KDM4C: variants seen among roughly 807,000 people sequenced by gnomAD.
The protein encoded by KDM4C is lysine-specific demethylase 4C.
Under a neutral mutation model 129.3 loss-of-function variants are expected in KDM4C, and 81 were observed. That is an observed-to-expected ratio of 0.63 (90% CI 0.52 to 0.75). The LOEUF (loss-of-function observed/expected upper bound fraction) is 0.75, where lower values mean the gene tolerates loss of function less well. Ranked by LOEUF, KDM4C falls within the 30% of genes least tolerant of loss-of-function variation. KDM4C has a pLI of 0.00. For synonymous variants in KDM4C, 573 were observed against 456.1 expected, an observed-to-expected ratio of 1.26 and a Z score of -3.26; for missense variants, 1,457 against 1,304.0, an observed-to-expected ratio of 1.12 and a Z score of -1.81.
chr9:6,909,189 G>T (rs1818843905), intron 8 of KDM4C, among the ~76,000 whole-genome samples: 1 of 152,234 alleles, frequency 6.6e-6, no homozygotes, highest in African/African-American at 2.4e-5. Flanking sequence ...AGCTACATAT[G>T]GATAGGCAGA....
chr9:7,098,790 A>G (rs1036288309), intron 17 of KDM4C, among the ~76,000 whole-genome samples: 9 of 152,196 alleles, frequency 5.9e-5, no homozygotes, highest in Non-Finnish European at 1.0e-4. Flanking sequence ...TGGCTAGACT[A>G]TCCTCTTTAC....
At chr9:7,137,191 G>C (rs545135157) in intron 19 of KDM4C, among the ~76,000 whole-genome samples, 1 of 152,166 alleles carries the variant, frequency 6.6e-6, no homozygotes, top group Non-Finnish European at 1.5e-5. Context: ...GCACCTGCTG[G>C]TCCCCTGTGC....
rs10976069 is a variant in KDM4C at position 7,147,358 on chromosome 9, C to T, written c.2782-17880C>T. On this transcript the variant is annotated intron_variant, in intron 19 of 21. Coordinates refer to ENST00000381309, the MANE Select transcript of KDM4C (RefSeq NM_015061.6). ...GAAAGCCGGACATATAAACACAGGG[C>T]AGCCTTCTCTCCCCTGCGTGCCTAT... Among the ~76,000 whole-genome samples the T allele has an allele frequency of 5.3e-3, 801 of 152,268 alleles. 8 individuals carry two copies. Among genetic ancestry groups the T allele is most frequent in the East Asian group, 0.022 (116 of 5,180 alleles).
At chr9:6,940,093 TTTCTTTCTTTC>T (rs1825678069) in intron 8 of KDM4C, among the ~76,000 whole-genome samples, 1 of 151,240 alleles carries the variant, frequency 6.6e-6, no homozygotes, top group South Asian at 2.1e-4. Context: ...CTTTCCTTCT[TTTCTTTCTTTC>T]TTCTTTCAAC....
intron 8 of KDM4C, among the ~76,000 whole-genome samples, chr9:6,969,110 A>G (rs1026816162): frequency 3.3e-5 from 5 of 152,014 alleles, no homozygotes; most frequent in African/African-American, 1.2e-4. Context: ...TAATTTTTGT[A>G]TTTGTAGCAG....
intron 8 of KDM4C, among the ~76,000 whole-genome samples, chr9:6,962,658 A>G (rs2131611723): frequency 6.6e-6 from 1 of 152,172 alleles, no homozygotes; most frequent in East Asian, 1.9e-4. Flanking sequence ...TTAGTAGAGA[A>G]AAAAAAAGAC....
At chr9:7,003,531 A>G (rs184700713) in intron 12 of KDM4C, among the ~76,000 whole-genome samples, 40 of 152,178 alleles carry the variant, frequency 2.6e-4, no homozygotes, top group Admixed American at 2.6e-3. Context: ...ATCCTTCTGA[A>G]ATACTTTTGT....
intron 4 of KDM4C, among the ~76,000 whole-genome samples, chr9:6,831,369 T>TTTTA (rs113555302): frequency 0.41 from 61,225 of 150,872 alleles, 13,543 homozygotes; most frequent in East Asian, 0.6. Flanking sequence ...TCTTTTTTAT[T>TTTTA]TTTATTTATT....
intron 8 of KDM4C, among the ~76,000 whole-genome samples, chr9:6,906,764 C>G (rs1818397886): frequency 6.6e-6 from 1 of 152,050 alleles, no homozygotes; most frequent in Non-Finnish European, 1.5e-5. Context: ...AAAAATTTCT[C>G]TTTGGGTTAC....
chr9:6,808,690 TAAAAA>T (rs908471656), intron 3 of KDM4C, among the ~76,000 whole-genome samples: 2 of 63,846 alleles, frequency 3.1e-5, no homozygotes, highest in South Asian at 4.7e-4. Context: ...GAATTATCAA[TAAAAA>T]AAAAAAAAAA....
intron 4 of KDM4C, among the ~76,000 whole-genome samples, chr9:6,839,264 C>G (rs966146225): frequency 6.6e-6 from 1 of 152,066 alleles, no homozygotes; most frequent in Non-Finnish European, 1.5e-5. Flanking sequence ...GGGTCTCACT[C>G]GGTTACCCAG....
At position 7,080,953 on chromosome 9, in the gene KDM4C, C is replaced by T. The variant is rs571500280; in HGVS notation, c.2425-22732C>T. Among the ~76,000 whole-genome samples the T allele has an allele frequency of 2.6e-5, 4 of 152,290 alleles. No homozygotes were observed. In the South Asian group the frequency reaches 8.3e-4, roughly 32 times the overall value. ...GGTTGACCTGATTAATAAACAGGCC[C>T]TTAGTGATTCACTTGTGTAAATGAG... On this transcript the variant is annotated intron_variant, in intron 17 of 21. Coordinates refer to ENST00000381309, the MANE Select transcript of KDM4C (RefSeq NM_015061.6).
chr9:6,823,610 C>A (rs1369831031), intron 4 of KDM4C, among the ~76,000 whole-genome samples: 3 of 152,212 alleles, frequency 2.0e-5, no homozygotes, highest in Admixed American at 6.5e-5. Flanking sequence ...GTTGCTCCTT[C>A]GTTGCTGCTG....
intron 3 of KDM4C, among the ~76,000 whole-genome samples, chr9:6,808,489 A>C (rs1830540993): frequency 7.0e-6 from 1 of 141,902 alleles, no homozygotes; most frequent in African/African-American, 2.8e-5. Flanking sequence ...CAGATGCTTG[A>C]AGGCAGCATG....
intron 8 of KDM4C, among the ~76,000 whole-genome samples, chr9:6,919,858 A>G (rs1821153591): frequency 6.6e-6 from 1 of 152,098 alleles, no homozygotes; most frequent in South Asian, 2.1e-4. Context: ...TATAGGTGTG[A>G]GCCACTGCAC....
At chr9:6,999,099 A>G (rs1200771976) in intron 12 of KDM4C, among the ~76,000 whole-genome samples, 1 of 152,330 alleles carries the variant, frequency 6.6e-6, no homozygotes, top group East Asian at 1.9e-4. Context: ...TGGAATTTAG[A>G]AATAGAACTA....
intron 18 of KDM4C, among the ~76,000 whole-genome samples, chr9:7,110,008 G>T (rs1266597827): frequency 6.6e-6 from 1 of 152,076 alleles, no homozygotes; most frequent in Non-Finnish European, 1.5e-5. Flanking sequence ...TCTGCCTGAG[G>T]CCTCCCCAGC....
At chr9:7,058,891 A>G (rs554295130) in intron 17 of KDM4C, among the ~76,000 whole-genome samples, 37 of 152,092 alleles carry the variant, frequency 2.4e-4, no homozygotes, top group African/African-American at 8.7e-4. Context: ...ATGCCAAGCA[A>G]TCATTACTTT....
chr9:6,973,755 C>G (rs1367663124), intron 8 of KDM4C: 1 of 152,214 alleles, frequency 6.6e-6, no homozygotes, highest in Non-Finnish European at 1.5e-5. Flanking sequence ...ATCCTCATCC[C>G]TTCCCTTCTT....
Sources: allele counts gnomAD v4.1 joint callset (sites outside exome capture counted in the v4.1 genomes callset), GRCh38; gene constraint gnomAD v4.1.1; transcripts MANE v1.5; gene names NCBI Gene and HGNC (gene_info 2026-07-23, HGNC 2026-07-21).